ATXN7L1: variants seen among roughly 807,000 people sequenced by gnomAD.
ATXN7L1 encodes ataxin 7 like 1.
ATXN7L1 carries 15 observed loss-of-function variants against 70.8 expected under a neutral mutation model. The observed-to-expected ratio is 0.21, with a 90% CI of 0.14 to 0.33. The LOEUF (loss-of-function observed/expected upper bound fraction) is 0.33. Among genes scored for constraint, ATXN7L1 ranks in the 10% least tolerant of loss-of-function variants. The pLI, the probability that ATXN7L1 is intolerant of heterozygous loss-of-function variation, is 1.00. For synonymous variants in ATXN7L1, 440 were observed against 445.1 expected (o/e 0.99, Z 0.14); for missense variants, 975 against 1,097.1 (o/e 0.89, Z 1.57).
intron 3 of ATXN7L1, among the ~76,000 whole-genome samples, chr7:105,755,763 G>A (rs139126368): frequency 3.3e-5 from 5 of 152,274 alleles, no homozygotes; most frequent in Non-Finnish European, 5.9e-5. Context: ...TGTTGGTTAC[G>A]TGAACCCTGA....
intron 4 of ATXN7L1, among the ~76,000 whole-genome samples, chr7:105,647,311 C>T (rs1466112128): frequency 6.6e-6 from 1 of 152,112 alleles, no homozygotes; most frequent in Non-Finnish European, 1.5e-5. Flanking sequence ...AGATATGATG[C>T]CTGGGATAGA....
chr7:105,751,691 G>T (rs903040152), intron 3 of ATXN7L1, among the ~76,000 whole-genome samples: 1 of 152,090 alleles, frequency 6.6e-6, no homozygotes, highest in African/African-American at 2.4e-5. Context: ...TGGATTTCTG[G>T]ATCTGAGGTA....
intron 2 of ATXN7L1, among the ~76,000 whole-genome samples, chr7:105,805,179 G>A (rs1013927191): frequency 6.6e-6 from 1 of 152,254 alleles, no homozygotes; most frequent in Non-Finnish European, 1.5e-5. Context: ...AAAGTGACAT[G>A]ATTAAACAGG....
In ATXN7L1 at chr7:105,708,104, G is replaced by C. The variant is rs1014652181; in HGVS notation, c.356-42816C>G. On this transcript the variant is annotated intron_variant, in intron 3 of 11. Coordinates refer to ENST00000419735, the MANE Select transcript of ATXN7L1 (RefSeq NM_020725.2). ...GTTTTATCTCTGATCTAAGAGGAAG[G>C]ACGTGCTCTGCTGAAGTGAGAAGGG... 3.9e-5 allele frequency among the ~76,000 whole-genome samples: 6 copies of C among 152,198 alleles called. 1 individual carries two copies. Among genetic ancestry groups the C allele is most frequent in the African/African-American group, 1.4e-4 (6 of 41,446 alleles).
intron 3 of ATXN7L1, among the ~76,000 whole-genome samples, chr7:105,780,089 G>A (rs1584986352): frequency 6.6e-6 from 1 of 152,338 alleles, no homozygotes; most frequent in Non-Finnish European, 1.5e-5. Context: ...CTGACATCAG[G>A]AGGGACTAAC....
At chr7:105,655,604 T>C (rs926607822) in intron 4 of ATXN7L1, among the ~76,000 whole-genome samples, 7 of 152,136 alleles carry the variant, frequency 4.6e-5, no homozygotes, top group Non-Finnish European at 8.8e-5. Flanking sequence ...GAGACGACTC[T>C]CTGTGTCTTC....
chr7:105,620,510 A>T (rs1047598296), intron 8 of ATXN7L1, among the ~76,000 whole-genome samples, 189 bp from the exon 9 acceptor site: 21 of 152,196 alleles, frequency 1.4e-4, no homozygotes, highest in African/African-American at 5.1e-4. Context: ...AGAACCTCAT[A>T]TTACAACTCA....
chr7:105,728,500 AGAT>A (rs1796162429), intron 3 of ATXN7L1, among the ~76,000 whole-genome samples: 1 of 152,176 alleles, frequency 6.6e-6, no homozygotes, highest in South Asian at 2.1e-4. Flanking sequence ...ATATAGATAT[AGAT>A]GATTACATAT....
chr7:105,763,178 T>C (rs1800768546), intron 3 of ATXN7L1, among the ~76,000 whole-genome samples: 1 of 152,266 alleles, frequency 6.6e-6, no homozygotes, highest in Non-Finnish European at 1.5e-5. Flanking sequence ...TAACACACTC[T>C]TCCTACTTTA....
intron 3 of ATXN7L1, among the ~76,000 whole-genome samples, chr7:105,696,125 C>A (rs974231359): frequency 6.6e-6 from 1 of 152,174 alleles, no homozygotes; most frequent in African/African-American, 2.4e-5. Context: ...AAAACATACA[C>A]CCGAAGGTCA....
intron 3 of ATXN7L1, among the ~76,000 whole-genome samples, chr7:105,783,937 C>T (rs1470206415): frequency 6.6e-6 from 1 of 152,028 alleles, no homozygotes; most frequent in African/African-American, 2.4e-5. Context: ...CCTGTGGGGT[C>T]TGTGCTAACT....
At chr7:105,702,590 C>T (rs1461761330) in intron 3 of ATXN7L1, among the ~76,000 whole-genome samples, 9 of 151,054 alleles carry the variant, frequency 6.0e-5, no homozygotes, top group Non-Finnish European at 1.0e-4. Flanking sequence ...ACACACAGGG[C>T]GAATCACATC....
intron 4 of ATXN7L1, among the ~76,000 whole-genome samples, chr7:105,655,103 G>A (rs577795198): frequency 1.3e-5 from 2 of 152,122 alleles, no homozygotes; most frequent in South Asian, 4.2e-4. Flanking sequence ...TCCCAAAGCT[G>A]GATTCCCTAT....
At chr7:105,722,979 G>A (rs1795375457) in intron 3 of ATXN7L1, among the ~76,000 whole-genome samples, 1 of 152,180 alleles carries the variant, frequency 6.6e-6, no homozygotes, top group African/African-American at 2.4e-5. Context: ...GGGAGGCTGA[G>A]GAGGGAGGAT....
intron 2 of ATXN7L1, among the ~76,000 whole-genome samples, chr7:105,872,873 C>T (rs886480627): frequency 5.3e-5 from 8 of 151,230 alleles, no homozygotes; most frequent in Admixed American, 1.3e-4. Context: ...CGGAACCACC[C>T]GCCGGGCACG....
rs142634781 is a variant in ATXN7L1 at position 105,693,166 on chromosome 7, G to A, written c.356-27878C>T. 7.9e-5 allele frequency among the ~76,000 whole-genome samples: 12 copies of A among 152,196 alleles called. No individual in the cohort carries two copies. In the East Asian group the frequency reaches 2.3e-3, roughly 29 times the overall value. Reference sequence around the variant, plus strand: ...AGAAAACAATTCCAAGAGAACCTGGGTGTGGACGTAAGAGTGAGAAATTTT... The same window carrying A: ...AGAAAACAATTCCAAGAGAACCTGGATGTGGACGTAAGAGTGAGAAATTTT... On this transcript the variant is annotated intron_variant, in intron 3 of 11. Transcript: ENST00000419735.
At position 105,631,690 on chromosome 7, in the gene ATXN7L1, T is replaced by C. The variant is rs559020162; in HGVS notation, c.1202+6663A>G. ...CCATGTTGGCCAGGCTGGTCTCGAA[T>C]TCCTGGCCTCAAGTGATCTGCCTCC... On this transcript the variant is annotated intron_variant, in intron 7 of 11. Coordinates refer to ENST00000419735, the MANE Select transcript of ATXN7L1 (RefSeq NM_020725.2). 3.7e-4 allele frequency among the ~76,000 whole-genome samples: 56 copies of C among 152,292 alleles called. 1 individual carries two copies. The highest frequency in any genetic ancestry group is 1.2e-3 in the African/African-American group (48 of 41,564).
At chr7:105,708,084 A>G (rs548291195) in intron 3 of ATXN7L1, among the ~76,000 whole-genome samples, 1 of 152,338 alleles carries the variant, frequency 6.6e-6, no homozygotes, top group Admixed American at 6.5e-5. Flanking sequence ...GAAGTGTTTT[A>G]TCTCTGATCT....
chr7:105,789,328 C>A (rs1437932714), intron 2 of ATXN7L1, among the ~76,000 whole-genome samples: 1 of 152,176 alleles, frequency 6.6e-6, no homozygotes, highest in African/African-American at 2.4e-5. Context: ...AACTGGGGAA[C>A]AAGAATGAGT....
Sources: gnomAD v4.1 joint callset for allele counts (sites outside exome capture counted in the v4.1 genomes callset) on GRCh38, gnomAD v4.1.1 for gene constraint, MANE v1.5 for transcripts, NCBI Gene and HGNC (gene_info 2026-07-23, HGNC 2026-07-21) for gene names.